ARIH1: variants seen among roughly 807,000 people sequenced by gnomAD.
ARIH1 encodes E3 ubiquitin-protein ligase ARIH1.
In ARIH1, 8 loss-of-function variants were observed where a neutral mutation model predicts 85.0. That is an observed-to-expected ratio of 0.09 (90% CI 0.06 to 0.17). The LOEUF is 0.17. ARIH1 is among the 10% of genes least tolerant of loss of function. The pLI, the probability that ARIH1 is intolerant of heterozygous loss-of-function variation, is 1.00. For missense variants in ARIH1, 311 were observed against 718.1 expected, an observed-to-expected ratio of 0.43 and a Z score of 6.48; for synonymous variants, 238 against 253.6, an observed-to-expected ratio of 0.94 and a Z score of 0.59.
chr15:72,576,917 C>T (rs1045272474), intron 11 of ARIH1, among the ~76,000 whole-genome samples: 5 of 151,974 alleles, frequency 3.3e-5, no homozygotes, highest in Non-Finnish European at 7.4e-5. Flanking sequence ...GACCAGAAGC[C>T]TTACCGATAA....
intron 2 of ARIH1, among the ~76,000 whole-genome samples, chr15:72,537,605 A>C (rs761630530): frequency 1.3e-5 from 2 of 152,150 alleles, no homozygotes; most frequent in Admixed American, 6.5e-5. Flanking sequence ...GTATGATTTA[A>C]ATGAATTTAA....
rs2064368878 is a variant in ARIH1 at position 72,597,836 on chromosome 15, T to TC, written c.*14550dup. The TC allele has an allele frequency of 6.6e-6, 1 of 152,144 alleles. No individual in the cohort carries two copies. 9.4% of individuals were successfully genotyped at this position (152,144 alleles called of 1,614,324 possible). On this transcript the variant is annotated 3_prime_UTR_variant, in exon 14 of 14. Transcript: ENST00000379887. ...TAAATTTCAGCAGGTTTCTCTTTTCTCCCCCCTGTAGTATTCCTCTTCCTA... is the reference window on the plus strand; with the variant it reads ...TAAATTTCAGCAGGTTTCTCTTTTCTCCCCCCCTGTAGTATTCCTCTTCCTA...
chr15:72,566,718 C>A, intron 8 of ARIH1, 113 bp downstream of exon 8: 2 of 836,878 alleles, frequency 2.4e-6, no homozygotes, highest in Non-Finnish European at 3.8e-6. Context: ...TTTTTTTTAT[C>A]CTTTTAATTT....
chr15:72,570,639 A>G (rs1361611668), intron 10 of ARIH1, among the ~76,000 whole-genome samples: 3 of 152,216 alleles, frequency 2.0e-5, no homozygotes, highest in African/African-American at 7.2e-5. Flanking sequence ...TGTATTATCA[A>G]ATGTGCCTCT....
At position 72,597,222 on chromosome 15, in the gene ARIH1, G is replaced by T. The variant is rs1224363918; in HGVS notation, c.*13930G>T. On this transcript the variant is annotated 3_prime_UTR_variant, in exon 14 of 14. Coordinates refer to ENST00000379887, the MANE Select transcript of ARIH1 (RefSeq NM_005744.5). ...CTCAATCTGATGTATATGAATTCTA[G>T]ACTGGGGCTTCACTGCAGTTTTAGT... 1 of 150,800 alleles carries T rather than the reference G, an allele frequency of 6.6e-6. No individual in the cohort carries two copies. Among genetic ancestry groups the T allele is most frequent in the African/African-American group, 2.4e-5 (1 of 40,950 alleles). 9.3% of individuals were successfully genotyped at this position (150,800 alleles called of 1,614,324 possible). A position where few individuals can be genotyped will look rare whatever the true frequency, so the allele number is the denominator to read the frequency against.
At chr15:72,559,264 T>G (rs1250771231) in intron 5 of ARIH1, among the ~76,000 whole-genome samples, 1 of 152,050 alleles carries the variant, frequency 6.6e-6, no homozygotes, top group African/African-American at 2.4e-5. Flanking sequence ...CAATGGGGTT[T>G]TTTTTGTTTT....
At chr15:72,583,184 T>G (rs1174671122) in intron 13 of ARIH1, 24 bp from the exon 14 acceptor site, 2 of 1,574,474 alleles carry the variant, frequency 1.3e-6, no homozygotes, top group East Asian at 4.5e-5. Context: ...CAACAAGTTT[T>G]TTTTTTTTTC....
intron 11 of ARIH1, among the ~76,000 whole-genome samples, chr15:72,573,932 A>G (rs1220532355): frequency 1.3e-5 from 2 of 152,182 alleles, no homozygotes; most frequent in Non-Finnish European, 2.9e-5. Context: ...CCCTTAAGTC[A>G]TATCCCACTA....
intron 1 of ARIH1, among the ~76,000 whole-genome samples, chr15:72,485,020 G>C (rs923292592): frequency 2.2e-4 from 34 of 152,110 alleles, no homozygotes; most frequent in East Asian, 1.9e-3. Context: ...TTCTATAGTG[G>C]TTGTACTAGT....
intron 1 of ARIH1, among the ~76,000 whole-genome samples, chr15:72,488,113 A>G (rs752761004): frequency 6.6e-6 from 1 of 152,062 alleles, no homozygotes; most frequent in Non-Finnish European, 1.5e-5. Context: ...ACGGCTCACT[A>G]CAGCCTTGAA....
intron 1 of ARIH1, among the ~76,000 whole-genome samples, chr15:72,494,838 AAAC>A (rs1567339062): frequency 2.0e-5 from 3 of 151,954 alleles, no homozygotes; most frequent in African/African-American, 7.3e-5. Context: ...AAAAAAAAAA[AAAC>A]TTAGTGATTA....
At chr15:72,483,460 C>A (rs1046834335) in intron 1 of ARIH1, among the ~76,000 whole-genome samples, 1 of 152,170 alleles carries the variant, frequency 6.6e-6, no homozygotes, top group Non-Finnish European at 1.5e-5. Flanking sequence ...AAATCCAGCC[C>A]ATACTCAATC....
At chr15:72,516,673 T>C (rs2063976447) in intron 1 of ARIH1, among the ~76,000 whole-genome samples, 1 of 152,306 alleles carries the variant, frequency 6.6e-6, no homozygotes, top group East Asian at 1.9e-4. Context: ...TAAGTGAGTG[T>C]CTGTATCTTT....
intron 11 of ARIH1, among the ~76,000 whole-genome samples, chr15:72,578,719 A>T (rs949183320): frequency 6.6e-6 from 1 of 152,238 alleles, no homozygotes; most frequent in Non-Finnish European, 1.5e-5. Flanking sequence ...TCAAGGGTCA[A>T]CTGTATATGT....
At chr15:72,539,966 AT>A (rs2140421647) in intron 2 of ARIH1, among the ~76,000 whole-genome samples, 2 of 152,324 alleles carry the variant, frequency 1.3e-5, no homozygotes, top group East Asian at 3.9e-4. Context: ...GCTACATGAT[AT>A]AAAAACAATG....
At chr15:72,501,705 A>G (rs531923558) in intron 1 of ARIH1, among the ~76,000 whole-genome samples, 2 of 152,358 alleles carry the variant, frequency 1.3e-5, no homozygotes, top group South Asian at 4.1e-4. Flanking sequence ...GTATGTGAAC[A>G]AATAACTGAA....
intron 1 of ARIH1, among the ~76,000 whole-genome samples, chr15:72,503,684 C>A (rs972353746): frequency 6.6e-5 from 10 of 152,234 alleles, no homozygotes; most frequent in African/African-American, 2.2e-4. Flanking sequence ...GCTACTCTTA[C>A]ATTTAGTAGA....
intron 1 of ARIH1, among the ~76,000 whole-genome samples, chr15:72,489,494 G>C (rs28439115): frequency 6.6e-6 from 1 of 152,058 alleles, no homozygotes; most frequent in Non-Finnish European, 1.5e-5. Flanking sequence ...CACACACTCA[G>C]AGTAAAAAAA....
intron 2 of ARIH1, among the ~76,000 whole-genome samples, chr15:72,524,689 G>C (rs775585037): frequency 6.6e-6 from 1 of 152,120 alleles, no homozygotes; most frequent in South Asian, 2.1e-4. Flanking sequence ...TCTCATAAAC[G>C]TTCAAGGAAC....
Sources: allele counts gnomAD v4.1 joint callset (sites outside exome capture counted in the v4.1 genomes callset), GRCh38; gene constraint gnomAD v4.1.1; transcripts MANE v1.5; gene names NCBI Gene and HGNC (gene_info 2026-07-23, HGNC 2026-07-21).